Variants in RNF40 observed in about 807,000 individuals in gnomAD.
The protein encoded by RNF40 is E3 ubiquitin-protein ligase BRE1B.
RNF40 carries 39 observed loss-of-function variants against 123.3 expected under a neutral mutation model. The ratio of observed to expected loss-of-function variants is 0.32; its 90% CI spans 0.24 to 0.41. The LOEUF is 0.41. Ranked by LOEUF, RNF40 falls within the 10% of genes least tolerant of loss-of-function variation. The probability of loss-of-function intolerance (pLI) is 1.00; values close to 1 mark genes in which losing one functional copy is unlikely to be tolerated. For missense variants in RNF40, 1,003 were observed against 1,319.9 expected, an observed-to-expected ratio of 0.76 and a Z score of 3.72; for synonymous variants, 538 against 526.0, an observed-to-expected ratio of 1.02 and a Z score of -0.31.
rs774325427 is a variant in RNF40 at position 30,768,002 on chromosome 16, C to T, written c.1538C>T (p.Ala513Val). 4.3e-6 allele frequency: 7 copies of T among 1,614,236 alleles called. No homozygotes were observed. Among genetic ancestry groups the T allele is most frequent in the Middle Eastern group, 1.6e-4 (1 of 6,062 alleles). ...AAGCGGAAGCTTCGAGAAGTACAAG[C>T]TGAGATTGGCAAGGTGAGAAGGGGC... is the stretch of plus-strand genomic sequence containing the variant. The part of the protein sequence containing the change: ...RYKRKLREVQ[A>V]EIGKLRAQAS... Residue 513 changes from alanine to valine, a missense_variant, in exon 12 of 20, where the codon GCT (alanine) becomes GTT (valine). Around this residue, in one of 11 missense-constraint regions of RNF40, gnomAD observed 295 missense variants for 331.7 expected, o/e 0.89. Transcript: ENST00000324685. This position sits in a 1 kb window ranked among gnomAD's most constrained non-coding sequence, Gnocchi z 4.1.
At position 30,766,111 on chromosome 16, in the gene RNF40, C is replaced by T. The variant is rs1490706746; in HGVS notation, c.994-52C>T. 16 of 1,611,628 alleles carry T rather than the reference C, an allele frequency of 9.9e-6. No individual in the cohort carries two copies. The highest frequency in any genetic ancestry group is 2.2e-5 in the East Asian group (1 of 44,862). ...GTGTATGCTGGGGATGTAAGGGAGG[C>T]CTGCTGCCACGTCTGGCCCTGCCTC... On this transcript the variant is annotated intron_variant, in intron 8 of 19. Transcript: ENST00000324685. This position sits in a 1 kb window ranked among gnomAD's most constrained non-coding sequence, Gnocchi z 5.4.
chr16:30,769,151 C>T lies in RNF40; in HGVS notation c.2248-35C>T, dbSNP rs1009795169. ...CCCCCACAGCCATCCTGTCCACTTC[C>T]CACGTTCCATCTTGTCTCTGCCCAC... On this transcript the variant is annotated intron_variant, in intron 15 of 19. Transcript: ENST00000324685. 3.7e-6 allele frequency: 6 copies of T among 1,609,872 alleles called. No individual in the cohort carries two copies. The Admixed American group carries it at 6.7e-5, about 18-fold the overall frequency.
At chr16:30,771,760 G>T in intron 17 of RNF40, 73 bp from the exon 18 acceptor site, 1 of 1,482,780 alleles carries the variant, frequency 6.7e-7, no homozygotes, top group Non-Finnish European at 9.0e-7. Context: ...CAGAAGCATT[G>T]GTGGGCCGTG....
Position 30,769,344 on chromosome 16 carries a change from G to T in RNF40, c.2406G>T (p.Leu802=). The change falls in exon 16 of 20, where the codon CTG becomes CTT. Residue 802 remains leucine (L), a synonymous_variant. Coordinates refer to ENST00000324685, the MANE Select transcript of RNF40 (RefSeq NM_014771.4). ...ERIKANQIHK[L]LREEKDELGE... Reference sequence around the variant, plus strand: ...TCAAGGCCAACCAGATTCACAAGCTGCTGCGGGAGGAGAAGGATGAGTTGG... The same window carrying T: ...TCAAGGCCAACCAGATTCACAAGCTTCTGCGGGAGGAGAAGGATGAGTTGG... 1 of 1,614,248 alleles carries T rather than the reference G, an allele frequency of 6.2e-7. No homozygotes were observed.
At chr16:30,773,825 G>A in intron 19 of RNF40, 113 bp from the exon 20 acceptor site, 2 of 1,070,842 alleles carry the variant, frequency 1.9e-6, no homozygotes, top group Non-Finnish European at 2.7e-6. Flanking sequence ...GGTTATGGGA[G>A]GATGAGGTGC....
At chr16:30,769,056 A>G (rs887189565) in intron 15 of RNF40, 69 bp downstream of exon 15, 88 of 1,604,194 alleles carry the variant, frequency 5.5e-5, no homozygotes, top group Non-Finnish European at 7.2e-5. Context: ...TGGTGCCTCT[A>G]GTGCCTGCAG....
Position 30,768,442 on chromosome 16 carries a change from C to CGAG in RNF40, c.1891_1892insGAG (p.Leu631delinsArgVal). On this transcript the variant is annotated protein_altering_variant, in exon 13 of 20. Transcript: ENST00000324685. The surrounding 1 kb of genome is among the most constrained non-coding windows in gnomAD (Gnocchi z 4.1). ...AGGACCTCCACCTGTAGCCTCCGCT[C>CGAG]TCTCAAGGGCTGATCGGGAGAAGGC... is the stretch of plus-strand genomic sequence containing the variant. 6.2e-7 allele frequency: 1 copy of CGAG among 1,612,754 alleles called. No homozygotes were observed. Among genetic ancestry groups the CGAG allele is most frequent in the South Asian group, 1.1e-5 (1 of 90,978 alleles).
chr16:30,766,306 G>A lies in RNF40; in HGVS notation c.1113+24G>A. 6.2e-7 allele frequency: 1 copy of A among 1,614,048 alleles called. No homozygotes were observed. The highest frequency in any genetic ancestry group is 8.5e-7 in the Non-Finnish European group (1 of 1,179,948). On this transcript the variant is annotated intron_variant, in intron 9 of 19. Coordinates refer to ENST00000324685, the MANE Select transcript of RNF40 (RefSeq NM_014771.4). The surrounding 1 kb of genome is among the most constrained non-coding windows in gnomAD (Gnocchi z 5.4). The stretch of plus-strand genomic sequence containing the variant: ...AGGTGGGCTGCTGTAGGGGCTGAGA[G>A]GTCCTGGGCCTGTAAGGGAGGGACT...
At chr16:30,763,601 G>A (rs1324151022) in intron 4 of RNF40, 42 bp downstream of exon 4, 5 of 1,608,474 alleles carry the variant, frequency 3.1e-6, no homozygotes, top group African/African-American at 2.7e-5. Flanking sequence ...TAAGTTCTGG[G>A]AGAAGTCCTG....
At position 30,774,632 on chromosome 16, in the gene RNF40, C is replaced by T; in HGVS notation, c.*518C>T. 3.5e-6 allele frequency: 1 copy of T among 283,052 alleles called. No homozygotes were observed. The highest frequency in any genetic ancestry group is 6.9e-6 in the Non-Finnish European group (1 of 144,102). The allele number at this position is 283,052 out of a possible 1,614,324, so 17.5% of individuals were successfully genotyped here. On this transcript the variant is annotated 3_prime_UTR_variant, in exon 20 of 20. Coordinates refer to ENST00000324685, the MANE Select transcript of RNF40 (RefSeq NM_014771.4). ...GGCAGGGCTTCTGTCCTGTGGAGTTCCCTGGACACCTTGGTCTGGCTCTTG... is the reference window on the plus strand; with the variant it reads ...GGCAGGGCTTCTGTCCTGTGGAGTTTCCTGGACACCTTGGTCTGGCTCTTG...
chr16:30,771,929 C>A lies in RNF40; in HGVS notation c.2683C>A (p.Arg895=). ...GATCCAGCCCTGCCTGGCAGAGAGC[C>A]GGGCTGCTCGTGAGAAAGAGAGCTT... The part of the protein sequence containing the change: ...REIQPCLAES[R]AAREKESFNL... The change falls in exon 18 of 20, where the codon CGG becomes AGG. Residue 895 remains arginine, a synonymous_variant. Transcript: ENST00000324685. 1 of 1,604,688 alleles carries A rather than the reference C, an allele frequency of 6.2e-7. No homozygotes were observed. Among genetic ancestry groups the A allele is most frequent in the Non-Finnish European group, 8.5e-7 (1 of 1,173,974 alleles).
rs756704357 is a variant in RNF40 at position 30,771,951 on chromosome 16, G to T, written c.2705G>T (p.Ser902Ile). The T allele has an allele frequency of 1.0e-5, 16 of 1,599,374 alleles. No homozygotes were observed. The highest frequency in any genetic ancestry group is 1.3e-5 in the Non-Finnish European group (15 of 1,170,920). The change falls in exon 18 of 20, where the codon AGC becomes ATC. Residue 902 changes from serine (S) to isoleucine (I), a missense_variant. Around this residue, in one of 11 missense-constraint regions of RNF40, gnomAD observed 121 missense variants for 125.3 expected, o/e 0.97. Coordinates refer to ENST00000324685, the MANE Select transcript of RNF40 (RefSeq NM_014771.4). ...AGCCGGGCTGCTCGTGAGAAAGAGA[G>T]CTTCAACCTCAAGAGGGCTCAGGTG... ...AESRAAREKE[S>I]FNLKRAQEDI...
rs1567287114 is a variant in RNF40 at position 30,769,613 on chromosome 16, CA to C, written c.2586+14del. The C allele has an allele frequency of 6.5e-7, 1 of 1,535,834 alleles. No individual in the cohort carries two copies. The highest frequency in any genetic ancestry group is 8.8e-7 in the Non-Finnish European group (1 of 1,140,556). On this transcript the variant is annotated intron_variant, in intron 17 of 19. Transcript: ENST00000324685. ...CAACAAGCGGAAGGTGAGGCTGGGC[CA>C]GGGGGACACACAGCTTGGGCTGCTG...
chr16:30,766,225 G>C lies in RNF40; in HGVS notation c.1056G>C (p.Glu352Asp), dbSNP rs1187694197. The change falls in exon 9 of 20, where the codon GAG becomes GAC. Residue 352 changes from glutamate (E) to aspartate (D), a missense_variant. Coordinates refer to ENST00000324685, the MANE Select transcript of RNF40 (RefSeq NM_014771.4). This position sits in a 1 kb window ranked among gnomAD's most constrained non-coding sequence, Gnocchi z 5.4. The stretch of plus-strand genomic sequence containing the variant: ...AACTGGCCAACAGCCGTATGGCAGA[G>C]CTGGAGAAACTGCAGGCCGAACTTC... ...NQELANSRMA[E>D]LEKLQAELQG... 6.2e-7 allele frequency: 1 copy of C among 1,614,206 alleles called. No homozygotes were observed. The highest frequency in any genetic ancestry group is 8.5e-7 in the Non-Finnish European group (1 of 1,180,032).
Position 30,766,654 on chromosome 16 carries a change from G to T in RNF40, c.1294-87G>T. ...CCGAGGCCCTGTGTGCCAGCCAGGG[G>T]TCCCTGGGGAATAGATTCTTCCTAA... On this transcript the variant is annotated intron_variant, in intron 10 of 19. Transcript: ENST00000324685. This position sits in a 1 kb window ranked among gnomAD's most constrained non-coding sequence, Gnocchi z 5.4. The T allele has an allele frequency of 6.3e-7, 1 of 1,589,968 alleles. No homozygotes were observed. Among genetic ancestry groups the T allele is most frequent in the Non-Finnish European group, 8.6e-7 (1 of 1,165,828 alleles).
chr16:30,769,716 C>G (rs2054113088), intron 17 of RNF40, 116 bp downstream of exon 17: 8 of 1,152,626 alleles, frequency 6.9e-6, no homozygotes, highest in Non-Finnish European at 9.5e-6. Context: ...TGTCACAGAA[C>G]AGCTCACACA....
chr16:30,762,567 C>T lies in RNF40; in HGVS notation c.22C>T (p.Arg8Cys). MSGPGNK[R>C]AAGDGGSGPP... ...GGCCATGTCTGGGCCAGGCAACAAA[C>T]GCGCCGCCGGCGACGGGGGCTCAGG... The change falls in exon 2 of 20, where the codon CGC becomes TGC. Residue 8 changes from arginine (R) to cysteine (C), a missense_variant. Around this residue, in one of 11 missense-constraint regions of RNF40, gnomAD observed 51 missense variants for 56.2 expected, o/e 0.91. Coordinates refer to ENST00000324685, the MANE Select transcript of RNF40 (RefSeq NM_014771.4). The T allele has an allele frequency of 6.2e-7, 1 of 1,601,630 alleles. No homozygotes were observed. The highest frequency in any genetic ancestry group is 8.5e-7 in the Non-Finnish European group (1 of 1,177,796).
rs1049995976 is a variant in RNF40, at chr16:30,762,611, G to A, written c.66G>A (p.Leu22=). The change falls in exon 2 of 20, where the codon CTG becomes CTA. Residue 22 remains leucine, a synonymous_variant. Transcript: ENST00000324685. ...DGGSGPPEKK[L]SREEKTTTTL... is the part of the protein sequence containing the mutation. ...GCTCAGGGCCCCCGGAAAAGAAGCTGAGTCGTGAGGAGAAGACCACCACGA... is the reference window on the plus strand; with the variant it reads ...GCTCAGGGCCCCCGGAAAAGAAGCTAAGTCGTGAGGAGAAGACCACCACGA... The A allele has an allele frequency of 6.2e-7, 1 of 1,610,528 alleles. No individual in the cohort carries two copies. Among genetic ancestry groups the A allele is most frequent in the South Asian group, 1.1e-5 (1 of 90,810 alleles).
chr16:30,764,986 T>C lies in RNF40; in HGVS notation c.698T>C (p.Leu233Pro). 1 of 1,613,164 alleles carries C rather than the reference T, an allele frequency of 6.2e-7. No homozygotes were observed. Among genetic ancestry groups the C allele is most frequent in the Non-Finnish European group, 8.5e-7 (1 of 1,179,908 alleles). Residue 233 changes from leucine (L) to proline (P), a missense_variant, in exon 6 of 20, where the codon CTG (leucine) becomes CCG (proline). By Grantham distance (98) the Leu-to-Pro change is moderately conservative. This residue lies in a region of RNF40 where 274 missense variants were observed against 356.9 expected (regional missense o/e 0.77). Coordinates refer to ENST00000324685, the MANE Select transcript of RNF40 (RefSeq NM_014771.4). ...SEAAQAHTRE[L>P]GRENRRLQDL... ...GCGGCTCAGGCACACACCCGAGAGCTGGGCCGTGAGAACCGGCGACTGCAG... is the reference window on the plus strand; with the variant it reads ...GCGGCTCAGGCACACACCCGAGAGCCGGGCCGTGAGAACCGGCGACTGCAG...
Sources: gnomAD v4.1 joint callset for allele counts on GRCh38, gnomAD v4.1.1 for gene constraint, gnomAD v4.1.1 regional missense constraint, Gnocchi (gnomAD v3.1) non-coding constraint, MANE v1.5 for transcripts, NCBI Gene and HGNC (gene_info 2026-07-23, HGNC 2026-07-21) for gene names.